CASQ2: variants seen among roughly 807,000 people sequenced by gnomAD.
CASQ2 encodes calsequestrin 2.
CASQ2 carries 49 observed loss-of-function variants against 46.5 expected under a neutral mutation model. The ratio of observed to expected loss-of-function variants is 1.05; its 90% CI spans 0.84 to 1.34. CASQ2 has a LOEUF of 1.34. Among genes scored for constraint, CASQ2 ranks in the 40% most tolerant of loss-of-function variants. The pLI, the probability that CASQ2 is intolerant of heterozygous loss-of-function variation, is 0.00. For missense variants in CASQ2, 486 were observed against 481.3 expected (o/e 1.01, Z -0.09); for synonymous variants, 174 against 168.5 (o/e 1.03, Z -0.25).
intron 2 of CASQ2, among the ~76,000 whole-genome samples, chr1:115,741,401 T>C (rs1157121297): frequency 1.2e-4 from 19 of 152,264 alleles, no homozygotes; most frequent in Admixed American, 1.2e-3. Flanking sequence ...CTTGCTTAGC[T>C]TCTTCAGGTC....
chr1:115,739,338 A>G (rs1254892855), intron 3 of CASQ2, among the ~76,000 whole-genome samples: 2 of 151,450 alleles, frequency 1.3e-5, no homozygotes, highest in South Asian at 4.2e-4. Flanking sequence ...GATGGTCTCG[A>G]TCTCCTGACC....
chr1:115,742,034 T>C (rs903826042), intron 2 of CASQ2, among the ~76,000 whole-genome samples: 1 of 152,098 alleles, frequency 6.6e-6, no homozygotes, highest in African/African-American at 2.4e-5. Flanking sequence ...AGGAGCAATG[T>C]GCCAGGTATT....
chr1:115,723,542 ACT>A (rs762993248), intron 7 of CASQ2, among the ~76,000 whole-genome samples: 1 of 151,258 alleles, frequency 6.6e-6, no homozygotes, highest in African/African-American at 2.4e-5. Flanking sequence ...CATTAATAAG[ACT>A]CTTTTTTTTT....
chr1:115,768,218 T>C (rs1400027071), intron 1 of CASQ2, 90 bp downstream of exon 1: 6 of 854,550 alleles, frequency 7.0e-6, no homozygotes, highest in African/African-American at 1.7e-5. Flanking sequence ...ATTCTCTGCA[T>C]CCTCGTTCCC....
At position 115,727,014 on chromosome 1, in the gene CASQ2, C is replaced by T; in HGVS notation, c.715G>A (p.Glu239Lys). Residue 239 changes from glutamate (E) to lysine (K), a missense_variant, in exon 6 of 11, where the codon GAG (glutamate) becomes AAG (lysine). Physicochemically the swap from Glu to Lys is moderately conservative, Grantham distance 56. Transcript: ENST00000261448. The stretch of plus-strand genomic sequence containing the variant: ...CACCTTTGGTGTTCCTTCACAAACT[C>T]CACCAGCTCCTCTTCTGTGTAAGGT... Reference protein sequence around the residue: ...NKPYTEEELVEFVKEHQRPTL... With the variant: ...NKPYTEEELVKFVKEHQRPTL... 1 of 1,479,850 alleles carries T rather than the reference C, an allele frequency of 6.8e-7. No homozygotes were observed. Among genetic ancestry groups the T allele is most frequent in the South Asian group, 1.1e-5 (1 of 89,452 alleles). 91.7% of individuals were successfully genotyped at this position (1,479,850 alleles called of 1,614,324 possible). A position where few individuals can be genotyped will look rare whatever the true frequency, so the allele number is the denominator to read the frequency against.
intron 7 of CASQ2, among the ~76,000 whole-genome samples, chr1:115,718,447 G>A (rs1019959311): frequency 6.6e-6 from 1 of 152,206 alleles, no homozygotes; most frequent in African/African-American, 2.4e-5. Context: ...AGGTCAATTA[G>A]GATGTGGGCT....
chr1:115,720,372 T>C (rs2101071337), intron 7 of CASQ2, among the ~76,000 whole-genome samples: 1 of 152,200 alleles, frequency 6.6e-6, no homozygotes, highest in East Asian at 1.9e-4. Flanking sequence ...AATCCCAACA[T>C]GAGAGTTCAG....
intron 1 of CASQ2, among the ~76,000 whole-genome samples, chr1:115,757,558 G>A (rs1343188666): frequency 6.6e-6 from 1 of 152,136 alleles, no homozygotes; most frequent in Non-Finnish European, 1.5e-5. Flanking sequence ...CTCAACTCCA[G>A]CAACTTCATT....
At chr1:115,752,086 C>T (rs1001036376) in intron 1 of CASQ2, among the ~76,000 whole-genome samples, 2 of 152,188 alleles carry the variant, frequency 1.3e-5, no homozygotes, top group Non-Finnish European at 2.9e-5. Context: ...ACATGCTCTG[C>T]TTCTACACAC....
Position 115,702,901 on chromosome 1 carries a change from C to A in CASQ2, c.1014+20G>T, listed in dbSNP as rs369540921. 59 of 1,600,348 alleles carry A rather than the reference C, an allele frequency of 3.7e-5. No homozygotes were observed. The highest frequency in any genetic ancestry group is 3.9e-5 in the Non-Finnish European group (46 of 1,168,762). On this transcript the variant is annotated intron_variant, in intron 10 of 10. Transcript: ENST00000261448. Reference sequence around the variant, plus strand: ...GGCAGGCCAAGGGTGCCTGAGCAAGCCTTCACAGGGGATACTCACATCTGT... The same window carrying A: ...GGCAGGCCAAGGGTGCCTGAGCAAGACTTCACAGGGGATACTCACATCTGT...
chr1:115,740,073 C>G (rs1414854288), intron 3 of CASQ2, among the ~76,000 whole-genome samples: 1 of 152,198 alleles, frequency 6.6e-6, no homozygotes, highest in East Asian at 1.9e-4. Flanking sequence ...CCACTGGGTA[C>G]TGGCTGGTAG....
Position 115,700,779 on chromosome 1 carries a change from T to G in CASQ2, c.*462A>C. On this transcript the variant is annotated 3_prime_UTR_variant, in exon 11 of 11. Transcript: ENST00000261448. ...TGGCTGGAGGAGGGATCCCAACTGA[T>G]GTTCGAGGTATGGAGGGAGCTAAAT... The G allele has an allele frequency of 4.5e-6, 2 of 445,176 alleles. No homozygotes were observed. Among genetic ancestry groups the G allele is most frequent in the East Asian group, 3.3e-5 (1 of 30,248 alleles). 27.6% of individuals were successfully genotyped at this position (445,176 alleles called of 1,614,324 possible). A position where few individuals can be genotyped will look rare whatever the true frequency, so the allele number is the denominator to read the frequency against.
At chr1:115,722,813 C>T (rs1030840823) in intron 7 of CASQ2, among the ~76,000 whole-genome samples, 7 of 151,948 alleles carry the variant, frequency 4.6e-5, no homozygotes, top group South Asian at 2.1e-4. Context: ...TTTGGGAGGC[C>T]GAGGAGGGAG....
chr1:115,711,306 C>T (rs757188906), intron 8 of CASQ2, among the ~76,000 whole-genome samples: 9 of 152,182 alleles, frequency 5.9e-5, no homozygotes, highest in East Asian at 1.9e-4. Context: ...GATAAACGGC[C>T]GGGGCTGGAA....
intron 1 of CASQ2, among the ~76,000 whole-genome samples, chr1:115,761,410 A>G (rs1262648739): frequency 0.016 from 1 of 62 alleles, no homozygotes. Context: ...AAAAAGAAGA[A>G]GAAGAAGAAG....
chr1:115,737,894 G>T (rs1299657677), intron 4 of CASQ2, among the ~76,000 whole-genome samples: 1 of 152,204 alleles, frequency 6.6e-6, no homozygotes, highest in African/African-American at 2.4e-5. Context: ...CAGGGAGACA[G>T]CCCATTGCTT....
intron 5 of CASQ2, chr1:115,732,352 T>G (rs2101085257): frequency 6.4e-6 from 1 of 156,686 alleles, no homozygotes; most frequent in South Asian, 1.9e-4. Context: ...CTCTTCTGGA[T>G]CATAGGCTTG....
intron 8 of CASQ2, among the ~76,000 whole-genome samples, chr1:115,710,297 T>C (rs1156699494): frequency 2.0e-5 from 3 of 152,228 alleles, no homozygotes; most frequent in Non-Finnish European, 4.4e-5. Flanking sequence ...GAAGATTTTA[T>C]CATCTCCATT....
At chr1:115,726,403 A>G (rs541042996) in intron 6 of CASQ2, among the ~76,000 whole-genome samples, 8 of 152,230 alleles carry the variant, frequency 5.3e-5, no homozygotes, top group Admixed American at 1.3e-4. Context: ...CCACAGCCGC[A>G]GTTAAGTAGT....
Sources: allele counts gnomAD v4.1 joint callset (sites outside exome capture counted in the v4.1 genomes callset), GRCh38; gene constraint gnomAD v4.1.1; transcripts MANE v1.5; gene names NCBI Gene and HGNC (gene_info 2026-07-23, HGNC 2026-07-21).